The following PAWR variants were observed in gnomAD, a reference collection of about 807,000 sequenced individuals.
The protein encoded by PAWR is PRKC apoptosis WT1 regulator protein.
Under a neutral mutation model 32.0 loss-of-function variants are expected in PAWR, and 23 were observed. The ratio of observed to expected loss-of-function variants is 0.72; its 90% confidence interval spans 0.52 to 1.02. The LOEUF (loss-of-function observed/expected upper bound fraction) is 1.02, where lower values mean the gene tolerates loss of function less well. Among genes scored for constraint, PAWR ranks in the 50% least tolerant of loss-of-function variants. The pLI is 0.00. For synonymous variants in PAWR, 226 were observed against 187.1 expected, an observed-to-expected ratio of 1.21 and a Z score of -1.70; for missense variants, 457 against 437.7, an observed-to-expected ratio of 1.04 and a Z score of -0.39.
intron 2 of PAWR, among the ~76,000 whole-genome samples, chr12:79,661,976 A>G (rs944514497): frequency 6.6e-6 from 1 of 152,214 alleles, no homozygotes; most frequent in African/African-American, 2.4e-5. Context: ...TGATAAAAAA[A>G]GATTCTCATA....
chr12:79,644,541 T>C (rs1418650162), intron 2 of PAWR, among the ~76,000 whole-genome samples: 1 of 152,158 alleles, frequency 6.6e-6, no homozygotes, highest in East Asian at 1.9e-4. Flanking sequence ...ATTCCCTTTA[T>C]CAAATAATTG....
At position 79,689,747 on chromosome 12, in the gene PAWR, G is replaced by T; in HGVS notation, c.498C>A (p.Val166=). Residue 166 remains valine, a synonymous_variant, in exon 2 of 7, where the codon GTC becomes GTA. Coordinates refer to ENST00000328827, the MANE Select transcript of PAWR (RefSeq NM_002583.4). ...GGCTCACCTCTGCGGCAGGGATGTT[G>T]ACCACGCCGGTGGAGCGCCGCTTCT... ...LREKRRSTGV[V]NIPAAECLDE... is the part of the protein sequence containing the mutation. The T allele has an allele frequency of 6.4e-7, 1 of 1,569,468 alleles. No homozygotes were observed. The highest frequency in any genetic ancestry group is 1.2e-5 in the South Asian group (1 of 85,674).
chr12:79,594,604 A>G (rs1465202732), intron 5 of PAWR, among the ~76,000 whole-genome samples, 171 bp from the exon 6 acceptor site: 2 of 152,224 alleles, frequency 1.3e-5, no homozygotes, highest in East Asian at 1.9e-4. Flanking sequence ...AAAAGGAATC[A>G]GAGAATGCAC....
chr12:79,592,544 C>T lies in PAWR; in HGVS notation c.*63G>A. Reference sequence around the variant, plus strand: ...TTGCAGCATAGGAATATTGTGCTAGCATTGACCATTAACATTCAATCAGTA... The same window carrying T: ...TTGCAGCATAGGAATATTGTGCTAGTATTGACCATTAACATTCAATCAGTA... On this transcript the variant is annotated 3_prime_UTR_variant, in exon 7 of 7. Transcript: ENST00000328827. 6.9e-6 allele frequency: 5 copies of T among 719,968 alleles called. No homozygotes were observed. In the East Asian group the frequency reaches 1.3e-4, roughly 18 times the overall value. 44.6% of individuals were successfully genotyped at this position (719,968 alleles called of 1,614,324 possible). A position where few individuals can be genotyped will look rare whatever the true frequency, so the allele number is the denominator to read the frequency against.
At chr12:79,631,042 C>G (rs995436709) in intron 2 of PAWR, among the ~76,000 whole-genome samples, 1 of 152,058 alleles carries the variant, frequency 6.6e-6, no homozygotes, top group African/African-American at 2.4e-5. Context: ...AGTGATTCAT[C>G]ATCTTTACAA....
intron 4 of PAWR, among the ~76,000 whole-genome samples, chr12:79,610,606 T>C (rs1411485595): frequency 6.6e-6 from 1 of 151,990 alleles, no homozygotes; most frequent in Non-Finnish European, 1.5e-5. Flanking sequence ...GTGAAGATAC[T>C]CATGTTACAT....
At chr12:79,657,152 T>C (rs1419740355) in intron 2 of PAWR, among the ~76,000 whole-genome samples, 2 of 152,144 alleles carry the variant, frequency 1.3e-5, no homozygotes, top group African/African-American at 4.8e-5. Context: ...TCAATGAAGC[T>C]AGATTTTAGG....
At chr12:79,626,638 G>A (rs1308273200) in intron 2 of PAWR, among the ~76,000 whole-genome samples, 1 of 150,994 alleles carries the variant, frequency 6.6e-6, no homozygotes, top group African/African-American at 2.4e-5. Flanking sequence ...TGTGCACAAG[G>A]TGCAGGTTTG....
intron 2 of PAWR, among the ~76,000 whole-genome samples, chr12:79,685,093 A>G (rs1349735073): frequency 1.3e-5 from 2 of 152,188 alleles, no homozygotes; most frequent in African/African-American, 4.8e-5. Context: ...TAATTATGTA[A>G]TTATTATTTT....
intron 2 of PAWR, among the ~76,000 whole-genome samples, chr12:79,637,951 T>G (rs1361343930): frequency 2.0e-5 from 3 of 152,124 alleles, no homozygotes; most frequent in Non-Finnish European, 4.4e-5. Context: ...CATCATCTCT[T>G]GTAACAAAAA....
chr12:79,668,228 T>A (rs1352486318), intron 2 of PAWR: 12 of 152,242 alleles, frequency 7.9e-5, no homozygotes, highest in Admixed American at 7.9e-4. Flanking sequence ...TTTTAATGTT[T>A]CAAGTTAGAA....
At chr12:79,672,582 A>AC (rs1476325242) in intron 2 of PAWR, among the ~76,000 whole-genome samples, 2 of 151,990 alleles carry the variant, frequency 1.3e-5, no homozygotes, top group Non-Finnish European at 2.9e-5. Context: ...AAGTGCTACC[A>AC]CCACTTTGCA....
chr12:79,628,183 T>G (rs1227138958), intron 2 of PAWR, among the ~76,000 whole-genome samples: 4 of 152,126 alleles, frequency 2.6e-5, no homozygotes, highest in Non-Finnish European at 4.4e-5. Flanking sequence ...ACATGGAAAC[T>G]GAACAACCTG....
intron 2 of PAWR, among the ~76,000 whole-genome samples, chr12:79,661,241 T>G (rs1232701211): frequency 1.5e-5 from 2 of 137,720 alleles, no homozygotes; most frequent in African/African-American, 3.0e-5. Context: ...GAAGCGAGAC[T>G]CTGTCTCAAA....
At chr12:79,665,927 A>G (rs1877580318) in intron 2 of PAWR, among the ~76,000 whole-genome samples, 1 of 152,232 alleles carries the variant, frequency 6.6e-6, no homozygotes, top group Admixed American at 6.5e-5. Context: ...ATTTTAAGCT[A>G]ATCGCAGACA....
chr12:79,676,679 C>A (rs753053153), intron 2 of PAWR, among the ~76,000 whole-genome samples: 2 of 152,144 alleles, frequency 1.3e-5, no homozygotes, highest in African/African-American at 4.8e-5. Context: ...AAACCAAAAA[C>A]CTTCGGGCTT....
intron 5 of PAWR, among the ~76,000 whole-genome samples, chr12:79,594,848 C>G (rs558118906): frequency 6.6e-6 from 1 of 152,222 alleles, no homozygotes; most frequent in South Asian, 2.1e-4. Context: ...TCCCAAGTAG[C>G]TGGAATTACA....
chr12:79,639,831 T>TCCTTTTCCATTCCCATTC (rs879765629), intron 2 of PAWR, among the ~76,000 whole-genome samples: 5 of 126,430 alleles, frequency 4.0e-5, no homozygotes, highest in African/African-American at 2.0e-4. Flanking sequence ...CTTTTCCTTT[T>TCCTTTTCCATTCCCATTC]CCATTCCTAT....
Position 79,660,254 on chromosome 12 carries a change from A to G in PAWR, c.516+29475T>C, listed in dbSNP as rs149513940. On this transcript the variant is annotated intron_variant, in intron 2 of 6. Transcript: ENST00000328827. ...GGAAACAGGTAACAGCACAGATAAA[A>G]TCCTTTTTCCTAGGGCAATCTTCAT... is the stretch of plus-strand genomic sequence containing the variant. Among the ~76,000 whole-genome samples, 624 of 152,314 alleles carry G rather than the reference A, an allele frequency of 4.1e-3. 12 individuals carry two copies. Among genetic ancestry groups the G allele is most frequent in the African/African-American group, 0.014 (592 of 41,568 alleles).
Sources: allele counts gnomAD v4.1 joint callset (sites outside exome capture counted in the v4.1 genomes callset), GRCh38; gene constraint gnomAD v4.1.1; transcripts MANE v1.5; gene names NCBI Gene and HGNC (gene_info 2026-07-23, HGNC 2026-07-21).